Variants in CBLL1 observed in about 807,000 individuals in gnomAD.
CBLL1 encodes the protein Cbl proto-oncogene like 1, also known as E3 ubiquitin-protein ligase Hakai.
CBLL1 carries 4 observed loss-of-function variants against 44.9 expected under a neutral mutation model. The ratio of observed to expected loss-of-function variants is 0.09; its 90% CI spans 0.04 to 0.20. The LOEUF (loss-of-function observed/expected upper bound fraction) is 0.20. CBLL1 is among the 10% of genes least tolerant of loss of function. The probability of loss-of-function intolerance (pLI) is 1.00; values close to 1 mark genes in which losing one functional copy is unlikely to be tolerated. For synonymous variants in CBLL1, 235 were observed against 202.2 expected (o/e 1.16, Z -1.38); for missense variants, 569 against 636.7 (o/e 0.89, Z 1.14).
chr7:107,761,425 T>G lies in CBLL1; in HGVS notation c.*2247T>G, dbSNP rs560423399. On this transcript the variant is annotated 3_prime_UTR_variant, in exon 6 of 6. Transcript: ENST00000440859. ...TAGCAGACAAAAGTTTTAAATCGTG[T>G]TAGACTTGAATTCATCAATTGTTTG... 6 of 152,286 alleles carry G rather than the reference T, an allele frequency of 3.9e-5. No homozygotes were observed. The highest frequency in any genetic ancestry group is 2.0e-4 in the Admixed American group (3 of 15,280). 9.4% of individuals were successfully genotyped at this position (152,286 alleles called of 1,614,324 possible).
rs751677549 is a variant in CBLL1 at position 107,759,121 on chromosome 7, C to A, written c.1419C>A (p.Thr473=). 17 of 1,613,794 alleles carry A rather than the reference C, an allele frequency of 1.1e-5. No homozygotes were observed. The South Asian group carries it at 1.2e-4, about 11-fold the overall frequency. Residue 473 remains threonine (T), a synonymous_variant, in exon 6 of 6, where the codon ACC becomes ACA. Transcript: ENST00000440859. ...PPRLQGPPSQ[T]PLPGPHHPDQ... is the part of the protein sequence containing the mutation. ...GATTGCAGGGTCCGCCTTCTCAAACCCCACTTCCTGGACCACATCATCCAG... is the reference window on the plus strand; with the variant it reads ...GATTGCAGGGTCCGCCTTCTCAAACACCACTTCCTGGACCACATCATCCAG...
In CBLL1 at chr7:107,753,901, A is replaced by G. The variant is rs1266080604; in HGVS notation, c.289A>G (p.Ile97Val). Residue 97 changes from isoleucine (I) to valine (V), a missense_variant, in exon 4 of 6, where the codon ATC becomes GTC. Ile to Val is a conservative substitution (Grantham distance 29). Transcript: ENST00000440859. The part of the protein sequence containing the change: ...GHLFWDFQIN[I>V]LGEKDDTPVH... The stretch of plus-strand genomic sequence containing the variant: ...AATTATATCATTTCAACAGATAAAC[A>G]TCTTAGGTGAAAAGGATGATACACC... The G allele has an allele frequency of 6.3e-7, 1 of 1,578,900 alleles. No individual in the cohort carries two copies. Among genetic ancestry groups the G allele is most frequent in the Admixed American group, 1.8e-5 (1 of 56,422 alleles).
In CBLL1 at chr7:107,753,923, C is replaced by T. The variant is rs375807695; in HGVS notation, c.311C>T (p.Thr104Ile). Reference sequence around the variant, plus strand: ...AACATCTTAGGTGAAAAGGATGATACACCAGTTCATTTCTGTGACAAGTGT... The same window carrying T: ...AACATCTTAGGTGAAAAGGATGATATACCAGTTCATTTCTGTGACAAGTGT... Reference protein sequence around the residue: ...QINILGEKDDTPVHFCDKCGL... With the variant: ...QINILGEKDDIPVHFCDKCGL... Residue 104 changes from threonine (T) to isoleucine (I), a missense_variant, in exon 4 of 6, where the codon ACA (threonine) becomes ATA (isoleucine). Around this residue, in one of 5 missense-constraint regions of CBLL1, gnomAD observed 209 missense variants for 202.8 expected, o/e 1.03. Transcript: ENST00000440859. 20 of 1,595,582 alleles carry T rather than the reference C, an allele frequency of 1.3e-5. No homozygotes were observed. The highest frequency in any genetic ancestry group is 9.5e-5 in the African/African-American group (7 of 74,046).
intron 2 of CBLL1, chr7:107,752,547 C>T: frequency 3.1e-6 from 4 of 1,289,146 alleles, no homozygotes; most frequent in South Asian, 1.2e-5. Flanking sequence ...TTTACCAGTT[C>T]TAGGGCCAAA....
chr7:107,744,358 T>A, intron 1 of CBLL1, 182 bp downstream of exon 1: 1 of 719,398 alleles, frequency 1.4e-6, no homozygotes, highest in Non-Finnish European at 2.1e-6. Context: ...GCCTACCGTC[T>A]GGTGTGGTAC....
In CBLL1 at chr7:107,758,892, C is replaced by G. The variant is rs780170009; in HGVS notation, c.1190C>G (p.Pro397Arg). ...GGACATATTATTGCCCAGATGCCAC[C>G]TTATATGAATCATCCTCCTCCAGGA... ...PPGHIIAQMP[P>R]YMNHPPPGPP... Residue 397 changes from proline to arginine, a missense_variant, in exon 6 of 6, where the codon CCT (proline) becomes CGT (arginine). Physicochemically the swap from Pro to Arg is moderately radical, Grantham distance 103. This residue lies in a region of CBLL1 where 228 missense variants were observed against 253.2 expected (regional missense o/e 0.90). Transcript: ENST00000440859. The surrounding 1 kb of genome is among the most constrained non-coding windows in gnomAD (Gnocchi z 4.2). 1 of 1,614,040 alleles carries G rather than the reference C, an allele frequency of 6.2e-7. No homozygotes were observed. Among genetic ancestry groups the G allele is most frequent in the Admixed American group, 1.7e-5 (1 of 59,996 alleles).
chr7:107,757,803 G>T (rs1279547582), intron 5 of CBLL1, among the ~76,000 whole-genome samples: 2 of 152,078 alleles, frequency 1.3e-5, no homozygotes, highest in East Asian at 3.9e-4. Flanking sequence ...CTACCCGTTG[G>T]TTTTTTTCTT....
rs182081331 is a variant in CBLL1, at chr7:107,748,361, T to C, written c.14-519T>C. 1.8e-4 allele frequency among the ~76,000 whole-genome samples: 27 copies of C among 152,362 alleles called. No individual in the cohort carries two copies. In the East Asian group the frequency reaches 5.0e-3, roughly 28 times the overall value. On this transcript the variant is annotated intron_variant, in intron 1 of 5. Coordinates refer to ENST00000440859, the MANE Select transcript of CBLL1 (RefSeq NM_024814.4). The stretch of plus-strand genomic sequence containing the variant: ...GAATAATTATTTTGCGCTTAAGGAA[T>C]AATCACATTTCTTAACTTCATTTTC...
At chr7:107,751,819 G>A (rs921190250) in intron 2 of CBLL1, among the ~76,000 whole-genome samples, 1 of 152,060 alleles carries the variant, frequency 6.6e-6, no homozygotes, top group Non-Finnish European at 1.5e-5. Context: ...ATAGTTTAAT[G>A]ATGGGAGTAC....
At chr7:107,752,468 GT>G in intron 2 of CBLL1, 1 of 566,146 alleles carries the variant, frequency 1.8e-6, no homozygotes, top group Admixed American at 2.5e-5. Flanking sequence ...GTGTGTGTCT[GT>G]GTCTGTGTAT....
intron 5 of CBLL1, among the ~76,000 whole-genome samples, chr7:107,756,480 A>T (rs1043126146): frequency 3.3e-5 from 5 of 152,202 alleles, no homozygotes; most frequent in African/African-American, 9.6e-5. Context: ...TTATAGAATT[A>T]TAATTCAGAA....
rs1351731641 is a variant in CBLL1, at chr7:107,758,135, T to C, written c.441-8T>C. ...TAGTAAATCACATTTCTTTCCCTTC[T>C]AATTTAGCTGTAGTGATCCTGTGCA... On this transcript the variant is annotated splice_region_variant and splice_polypyrimidine_tract_variant and intron_variant, in intron 5 of 5. Transcript: ENST00000440859. The surrounding 1 kb of genome is among the most constrained non-coding windows in gnomAD (Gnocchi z 4.2). The C allele has an allele frequency of 6.4e-7, 1 of 1,555,896 alleles. No individual in the cohort carries two copies. The highest frequency in any genetic ancestry group is 2.0e-5 in the Admixed American group (1 of 49,514).
Position 107,759,913 on chromosome 7 carries a change from A to T in CBLL1, c.*735A>T, listed in dbSNP as rs1199957097. 2 of 152,256 alleles carry T rather than the reference A, an allele frequency of 1.3e-5. No individual in the cohort carries two copies. The highest frequency in any genetic ancestry group is 2.9e-5 in the Non-Finnish European group (2 of 67,998). The allele number at this position is 152,256 out of a possible 1,614,324, so 9.4% of individuals were successfully genotyped here. On this transcript the variant is annotated 3_prime_UTR_variant, in exon 6 of 6. Transcript: ENST00000440859. ...GACATTACTAATTATTTGGAAAGAGATGGCCAAAATAATCAACTCTACAGG... is the reference window on the plus strand; with the variant it reads ...GACATTACTAATTATTTGGAAAGAGTTGGCCAAAATAATCAACTCTACAGG...
Position 107,760,710 on chromosome 7 carries a change from A to G in CBLL1, c.*1532A>G, listed in dbSNP as rs1379239397. 6.6e-6 allele frequency: 1 copy of G among 152,222 alleles called. No individual in the cohort carries two copies. The highest frequency in any genetic ancestry group is 2.4e-5 in the African/African-American group (1 of 41,450). 9.4% of individuals were successfully genotyped at this position (152,222 alleles called of 1,614,324 possible). The stretch of plus-strand genomic sequence containing the variant: ...ATTTATTAGATAGTTTGTAGTGTAT[A>G]CATTTAGAACATACTTCTTTTGACA... On this transcript the variant is annotated 3_prime_UTR_variant, in exon 6 of 6. Coordinates refer to ENST00000440859, the MANE Select transcript of CBLL1 (RefSeq NM_024814.4).
At chr7:107,756,572 AT>A (rs1197818024) in intron 5 of CBLL1, among the ~76,000 whole-genome samples, 1 of 152,156 alleles carries the variant, frequency 6.6e-6, no homozygotes, top group Non-Finnish European at 1.5e-5. Flanking sequence ...GTATACATTC[AT>A]TTTAAGTTAC....
chr7:107,751,339 T>C lies in CBLL1; in HGVS notation c.182-2072T>C, dbSNP rs1467389748. Among the ~76,000 whole-genome samples the C allele has an allele frequency of 4.6e-5, 7 of 152,220 alleles. No individual in the cohort carries two copies. In the East Asian group the frequency reaches 9.6e-4, roughly 21 times the overall value. ...CTAGCCCTTCCCTCACCTCCTGCTG[T>C]GTGGCCGCATTCCTAACAGGCCAAG... On this transcript the variant is annotated intron_variant, in intron 2 of 5. Transcript: ENST00000440859.
In CBLL1 at chr7:107,758,665, A is replaced by T; in HGVS notation, c.963A>T (p.Glu321Asp). The T allele has an allele frequency of 1.9e-6, 3 of 1,614,058 alleles. No homozygotes were observed. Among genetic ancestry groups the T allele is most frequent in the Non-Finnish European group, 2.5e-6 (3 of 1,180,002 alleles). The change falls in exon 6 of 6, where the codon GAA becomes GAT. Residue 321 changes from glutamate to aspartate, a missense_variant. Transcript: ENST00000440859. This position sits in a 1 kb window ranked among gnomAD's most constrained non-coding sequence, Gnocchi z 4.2. ...PAPAPAHHHPEYQGQPVVSHP... is the reference protein window; with the variant it reads ...PAPAPAHHHPDYQGQPVVSHP... The stretch of plus-strand genomic sequence containing the variant: ...CAGCACCTGCTCACCATCATCCTGA[A>T]TATCAGGGTCAACCAGTGGTATCGC...
At chr7:107,744,271 C>A in intron 1 of CBLL1, 95 bp downstream of exon 1, 1 of 1,385,654 alleles carries the variant, frequency 7.2e-7, no homozygotes, top group Non-Finnish European at 9.7e-7. Flanking sequence ...ATGCTCGCCC[C>A]ACAACACTAG....
At chr7:107,746,921 TA>T (rs35594491) in intron 1 of CBLL1, among the ~76,000 whole-genome samples, 1 of 152,018 alleles carries the variant, frequency 6.6e-6, no homozygotes, top group East Asian at 1.9e-4. Context: ...TTATTCAAGA[TA>T]AAAAATCCCC....
Sources: gnomAD v4.1 joint callset for allele counts (sites outside exome capture counted in the v4.1 genomes callset) on GRCh38, gnomAD v4.1.1 for gene constraint, gnomAD v4.1.1 regional missense constraint, Gnocchi (gnomAD v3.1) non-coding constraint, MANE v1.5 for transcripts, NCBI Gene and HGNC (gene_info 2026-07-23, HGNC 2026-07-21) for gene names.